Variants in ZNF605 observed in about 807,000 individuals in gnomAD.
The protein encoded by ZNF605 is zinc finger protein 605.
ZNF605 carries 9 observed loss-of-function variants against 7.9 expected under a neutral mutation model. The observed-to-expected ratio is 1.14, with a 90% CI of 0.68 to 1.98. The LOEUF (loss-of-function observed/expected upper bound fraction) is 1.98, where lower values mean the gene tolerates loss of function less well. ZNF605 is among the 30% of genes most tolerant of loss of function. The probability of loss-of-function intolerance (pLI) is 0.00; values close to 1 mark genes in which losing one functional copy is unlikely to be tolerated. For synonymous variants in ZNF605, 255 were observed against 260.1 expected, an observed-to-expected ratio of 0.98 and a Z score of 0.19; for missense variants, 673 against 762.4, an observed-to-expected ratio of 0.88 and a Z score of 1.38.
intron 3 of ZNF605, among the ~76,000 whole-genome samples, chr12:132,939,017 A>G (rs1291787): frequency 0.63 from 94,474 of 151,060 alleles, 31,698 homozygotes; most frequent in Non-Finnish European, 0.74. Context: ...CCTGCAGCCC[A>G]CCATGCCTGA....
chr12:132,925,449 T>C lies in ZNF605; in HGVS notation c.1850A>G (p.Tyr617Cys), dbSNP rs971177328. ...HQRIHTGDKY[Y>C]GCNECGTTFN... ...GGTGGTCCCACACTCATTGCATCCA[T>C]AGTATTTATCTCCTGTATGAATCCT... Residue 617 changes from tyrosine (Y) to cysteine (C), a missense_variant, in exon 5 of 5, where the codon TAT becomes TGT. Transcript: ENST00000360187. The C allele has an allele frequency of 1.1e-5, 17 of 1,613,982 alleles. No homozygotes were observed. The highest frequency in any genetic ancestry group is 8.9e-5 in the East Asian group (4 of 44,890).
intron 1 of ZNF605, among the ~76,000 whole-genome samples, chr12:132,951,585 A>ATGC (rs1344930446): frequency 2.0e-5 from 3 of 151,794 alleles, no homozygotes; most frequent in African/African-American, 7.3e-5. Context: ...ACACACAGAC[A>ATGC]TGCACACACT....
rs1952247247 is a variant in ZNF605 at position 132,926,329 on chromosome 12, G to A, written c.970C>T (p.Leu324=). ...CGKAFFWKSQ[L]ITHQRTHTGK... is the part of the protein sequence containing the mutation. ...GTGTGGGTCCTCTGATGAGTAATCA[G>A]CTGCGACTTCCAAAAGAAGGCTTTT... Residue 324 remains leucine, a synonymous_variant, in exon 5 of 5, where the codon CTG becomes TTG. Transcript: ENST00000360187. 6.2e-7 allele frequency: 1 copy of A among 1,614,124 alleles called. No homozygotes were observed. The highest frequency in any genetic ancestry group is 8.5e-7 in the Non-Finnish European group (1 of 1,180,020).
At chr12:132,937,388 T>G (rs1289205877) in intron 3 of ZNF605, among the ~76,000 whole-genome samples, 1 of 145,512 alleles carries the variant, frequency 6.9e-6, no homozygotes, top group Admixed American at 6.9e-5. Context: ...AAAGAAAATG[T>G]ATGGATGGAA....
At position 132,932,904 on chromosome 12, in the gene ZNF605, G is replaced by A. The variant is rs73431739; in HGVS notation, c.136+131C>T. On this transcript the variant is annotated intron_variant, in intron 4 of 4. Coordinates refer to ENST00000360187, the MANE Select transcript of ZNF605 (RefSeq NM_183238.4). ...TTATAAAGGCTGCAAAATAAAGCAA[G>A]TGAATGAAAATCTTTCAATTCAGTA... 544 of 1,362,920 alleles carry A rather than the reference G, an allele frequency of 4.0e-4. 2 individuals are homozygous for A. The African/African-American group carries it at 7.2e-3, about 18-fold the overall frequency. The allele number at this position is 1,362,920 out of a possible 1,614,324, so 84.4% of individuals were successfully genotyped here.
At chr12:132,950,995 C>G (rs977148930) in intron 1 of ZNF605, among the ~76,000 whole-genome samples, 1 of 151,676 alleles carries the variant, frequency 6.6e-6, no homozygotes, top group Admixed American at 6.6e-5. Context: ...GTACATCACA[C>G]GCAGACATGT....
intron 1 of ZNF605, among the ~76,000 whole-genome samples, chr12:132,951,038 A>G (rs1952557594): frequency 6.8e-6 from 1 of 146,436 alleles, no homozygotes; most frequent in Non-Finnish European, 1.5e-5. Context: ...CATCACAGAC[A>G]TGTACACACA....
At chr12:132,940,651 G>A (rs1209971397) in intron 3 of ZNF605, among the ~76,000 whole-genome samples, 2 of 152,208 alleles carry the variant, frequency 1.3e-5, no homozygotes, top group Non-Finnish European at 2.9e-5. Context: ...CTCAGGCTAT[G>A]GCTAGTTCCC....
chr12:132,940,024 G>A (rs532007806), intron 3 of ZNF605, among the ~76,000 whole-genome samples: 32 of 152,270 alleles, frequency 2.1e-4, no homozygotes, highest in Middle Eastern at 3.4e-3. Context: ...GACTCCAGAC[G>A]CGCCACCCGA....
Position 132,925,610 on chromosome 12 carries a change from G to A in ZNF605, c.1689C>T (p.Cys563=). The change falls in exon 5 of 5, where the codon TGC becomes TGT. Residue 563 remains cysteine (C), a synonymous_variant. Coordinates refer to ENST00000360187, the MANE Select transcript of ZNF605 (RefSeq NM_183238.4). ...RNHTGEKTYG[C]SDCAKAFFEK... is the part of the protein sequence containing the mutation. ...CAAAGAAAGCTTTTGCACAATCGCT[G>A]CATCCATAGGTTTTCTCTCCTGTGT... 6.2e-7 allele frequency: 1 copy of A among 1,614,132 alleles called. No individual in the cohort carries two copies. Among genetic ancestry groups the A allele is most frequent in the Non-Finnish European group, 8.5e-7 (1 of 1,180,038 alleles).
In ZNF605 at chr12:132,937,997, T is replaced by C. The variant is rs1402081499; in HGVS notation, c.16-4842A>G. On this transcript the variant is annotated intron_variant, in intron 3 of 4. Transcript: ENST00000360187. Reference sequence around the variant, plus strand: ...ATTTATTTATTTATTTATTATTTATTTGAGAGGGAGTCTCGCTCTGTCGCC... The same window carrying C: ...ATTTATTTATTTATTTATTATTTATCTGAGAGGGAGTCTCGCTCTGTCGCC... Among the ~76,000 whole-genome samples the C allele has an allele frequency of 3.9e-5, 6 of 152,340 alleles. No individual in the cohort carries two copies. The South Asian group carries it at 1.0e-3, about 26-fold the overall frequency.
intron 3 of ZNF605, chr12:132,945,003 T>C (rs1952482500): frequency 5.3e-6 from 1 of 188,652 alleles, no homozygotes; most frequent in Non-Finnish European, 1.1e-5. Context: ...AAGACTTTTG[T>C]ATGATTCTTT....
intron 3 of ZNF605, among the ~76,000 whole-genome samples, chr12:132,943,111 C>G (rs1240704415): frequency 6.6e-6 from 1 of 151,930 alleles, no homozygotes; most frequent in Non-Finnish European, 1.5e-5. Context: ...GTCTGTAATC[C>G]CCGCACTTTG....
At chr12:132,935,007 A>G (rs1442255112) in intron 3 of ZNF605, among the ~76,000 whole-genome samples, 1 of 152,118 alleles carries the variant, frequency 6.6e-6, no homozygotes, top group East Asian at 1.9e-4. Context: ...ACATGGAAAT[A>G]AAGTGTGTTT....
rs138573353 is a variant in ZNF605 at position 132,922,405 on chromosome 12, T to C, written c.*2968A>G. On this transcript the variant is annotated 3_prime_UTR_variant, in exon 5 of 5. Transcript: ENST00000360187. Reference sequence around the variant, plus strand: ...GTAACAATCTCCAGAGCCACTGACATATGCAGCAGAAAAGCACAAAGAACT... The same window carrying C: ...GTAACAATCTCCAGAGCCACTGACACATGCAGCAGAAAAGCACAAAGAACT... 6.6e-6 allele frequency: 1 copy of C among 152,222 alleles called. No individual in the cohort carries two copies. The highest frequency in any genetic ancestry group is 1.5e-5 in the Non-Finnish European group (1 of 68,046). 9.4% of individuals were successfully genotyped at this position (152,222 alleles called of 1,614,324 possible).
At position 132,945,782 on chromosome 12, in the gene ZNF605, TC is replaced by T; in HGVS notation, c.-148del. ...TCTTATCTCACATGAATTGTCTTGT[TC>T]CAGAGGGCTATTGCCTGTGGATGCA... On this transcript the variant is annotated 5_prime_UTR_variant, in exon 3 of 5. Transcript: ENST00000360187. 2.6e-6 allele frequency: 3 copies of T among 1,165,502 alleles called. No homozygotes were observed. Among genetic ancestry groups the T allele is most frequent in the Non-Finnish European group, 2.6e-6 (2 of 776,270 alleles). 72.2% of individuals were successfully genotyped at this position (1,165,502 alleles called of 1,614,324 possible).
intron 1 of ZNF605, among the ~76,000 whole-genome samples, chr12:132,949,086 AGCCACAAGAG>A (rs59959379): frequency 0.46 from 69,896 of 152,076 alleles, 16,662 homozygotes; most frequent in Middle Eastern, 0.57. Context: ...AGTTGTGGAA[AGCCACAAGAG>A]GCCTCTGAGG....
chr12:132,923,934 T>C lies in ZNF605; in HGVS notation c.*1439A>G, dbSNP rs1306348402. 2 of 152,152 alleles carry C rather than the reference T, an allele frequency of 1.3e-5. No homozygotes were observed. The highest frequency in any genetic ancestry group is 6.5e-5 in the Admixed American group (1 of 15,270). 9.4% of individuals were successfully genotyped at this position (152,152 alleles called of 1,614,324 possible). A position where few individuals can be genotyped will look rare whatever the true frequency, so the allele number is the denominator to read the frequency against. On this transcript the variant is annotated 3_prime_UTR_variant, in exon 5 of 5. Coordinates refer to ENST00000360187, the MANE Select transcript of ZNF605 (RefSeq NM_183238.4). ...TATTCTTACTCTTCAAGTTCATTGA[T>C]TTTTTCTTCTTTTTCTGTATCTAAT...
intron 3 of ZNF605, among the ~76,000 whole-genome samples, chr12:132,935,664 A>G (rs892524007): frequency 0.066 from 8,738 of 133,038 alleles, 1 homozygote; most frequent in Non-Finnish European, 0.093. Context: ...AGGCCGAGGC[A>G]GGTGGATCAC....
Sources: gnomAD v4.1 joint callset for allele counts (sites outside exome capture counted in the v4.1 genomes callset) on GRCh38, gnomAD v4.1.1 for gene constraint, MANE v1.5 for transcripts, NCBI Gene and HGNC (gene_info 2026-07-23, HGNC 2026-07-21) for gene names.